Variants in PPM1E observed in about 807,000 individuals in gnomAD.
PPM1E encodes protein phosphatase, Mg2+/Mn2+ dependent 1E.
PPM1E carries 20 observed loss-of-function variants against 65.9 expected under a neutral mutation model. The observed-to-expected ratio is 0.30, with a 90% confidence interval of 0.21 to 0.44. The LOEUF is 0.44. Among genes scored for constraint, PPM1E ranks in the 20% least tolerant of loss-of-function variants. The probability of loss-of-function intolerance (pLI) is 1.00; values close to 1 mark genes in which losing one functional copy is unlikely to be tolerated. For missense variants in PPM1E, 713 were observed against 953.1 expected, an observed-to-expected ratio of 0.75 and a Z score of 3.32; for synonymous variants, 352 against 374.9, an observed-to-expected ratio of 0.94 and a Z score of 0.70.
chr17:58,766,106 C>CT (rs2045696645), intron 1 of PPM1E, among the ~76,000 whole-genome samples: 1 of 151,330 alleles, frequency 6.6e-6, no homozygotes, highest in African/African-American at 2.4e-5. Context: ...TCTGGAACTC[C>CT]TGACCTCAGG....
intron 1 of PPM1E, among the ~76,000 whole-genome samples, chr17:58,953,991 G>A (rs1357367691): frequency 2.0e-5 from 3 of 152,128 alleles, no homozygotes; most frequent in African/African-American, 7.2e-5. Context: ...TGATCCACCC[G>A]CCTTGGCCTC....
intron 1 of PPM1E, among the ~76,000 whole-genome samples, chr17:58,927,861 C>T (rs2051843738): frequency 6.6e-6 from 1 of 151,990 alleles, no homozygotes. Flanking sequence ...GAGTTCGAGA[C>T]CAGCCTGGCC....
At chr17:58,883,630 C>T (rs904250042) in intron 1 of PPM1E, among the ~76,000 whole-genome samples, 3 of 150,860 alleles carry the variant, frequency 2.0e-5, no homozygotes, top group African/African-American at 7.3e-5. Flanking sequence ...ACTACAGGCG[C>T]CCGCCACCAC....
intron 1 of PPM1E, among the ~76,000 whole-genome samples, chr17:58,844,619 GGCTTTTGAA>G (rs2050753639): frequency 6.6e-6 from 1 of 152,110 alleles, no homozygotes; most frequent in Admixed American, 6.6e-5. Context: ...CCCCACATGG[GGCTTTTGAA>G]GGTTGTCACT....
At position 58,867,007 on chromosome 17, in the gene PPM1E, G is replaced by A. The variant is rs139032553; in HGVS notation, c.465-88642G>A. On this transcript the variant is annotated intron_variant, in intron 1 of 6. Coordinates refer to ENST00000308249, the MANE Select transcript of PPM1E (RefSeq NM_014906.5). ...TTTATTTTTTCTTTTTTGAGATGGA[G>A]TCTCATTCTGTCACCCAGGCTGGAG... Among the ~76,000 whole-genome samples, 696 of 152,270 alleles carry A rather than the reference G, an allele frequency of 4.6e-3. 13 individuals carry two copies. The highest frequency in any genetic ancestry group is 0.016 in the African/African-American group (657 of 41,546).
At chr17:58,868,569 T>A (rs554966550) in intron 1 of PPM1E, among the ~76,000 whole-genome samples, 1 of 39,390 alleles carries the variant, frequency 2.5e-5, no homozygotes, top group Admixed American at 2.9e-4. Context: ...ATGTCCAGGC[T>A]TTTTTTTTTT....
intron 1 of PPM1E, among the ~76,000 whole-genome samples, chr17:58,914,353 A>G (rs1303125910): frequency 6.6e-6 from 1 of 152,198 alleles, no homozygotes; most frequent in Admixed American, 6.5e-5. Context: ...AATCCAGGAT[A>G]CTACATTGCA....
intron 2 of PPM1E, among the ~76,000 whole-genome samples, chr17:58,962,174 C>T (rs1017412377): frequency 4.6e-5 from 7 of 151,942 alleles, no homozygotes; most frequent in African/African-American, 1.7e-4. Flanking sequence ...ATCCCAGCTA[C>T]TCGGGAGGCT....
chr17:58,962,341 C>A (rs1425144138), intron 2 of PPM1E, among the ~76,000 whole-genome samples: 6 of 150,680 alleles, frequency 4.0e-5, no homozygotes, highest in Non-Finnish European at 8.8e-5. Flanking sequence ...CTGTACTTGA[C>A]AATGCAGATC....
chr17:58,756,201 G>C lies in PPM1E; in HGVS notation c.204G>C (p.Glu68Asp), dbSNP rs758871056. 10 of 1,559,726 alleles carry C rather than the reference G, an allele frequency of 6.4e-6. No individual in the cohort carries two copies. In the South Asian group the frequency reaches 1.2e-4, roughly 18 times the overall value. The change falls in exon 1 of 7, where the codon GAG becomes GAC. Residue 68 changes from glutamate (E) to aspartate (D), a missense_variant. Physicochemically the swap from Glu to Asp is conservative, Grantham distance 45. This residue lies in a region of PPM1E where 212 missense variants were observed against 204.0 expected (regional missense o/e 1.04). Coordinates refer to ENST00000308249, the MANE Select transcript of PPM1E (RefSeq NM_014906.5). ...AAEASVEEPGEEAATVAATEE... is the reference protein window; with the variant it reads ...AAEASVEEPGDEAATVAATEE... ...AGGCTTCGGTAGAGGAACCCGGGGA[G>C]GAGGCGGCCACGGTAGCCGCGACGG...
At chr17:58,864,793 G>A (rs959104607) in intron 1 of PPM1E, among the ~76,000 whole-genome samples, 4 of 151,550 alleles carry the variant, frequency 2.6e-5, no homozygotes, top group African/African-American at 9.7e-5. Context: ...AAAATTAGCC[G>A]GGTGTGGTGG....
intron 1 of PPM1E, among the ~76,000 whole-genome samples, chr17:58,891,757 T>C (rs774337114): frequency 2.6e-4 from 39 of 152,068 alleles, no homozygotes; most frequent in Admixed American, 4.6e-4. Flanking sequence ...TGGATGAAGC[T>C]GCTCTATTTG....
chr17:58,890,791 T>C (rs143844638), intron 1 of PPM1E, among the ~76,000 whole-genome samples: 6 of 152,260 alleles, frequency 3.9e-5, no homozygotes, highest in African/African-American at 7.2e-5. Flanking sequence ...TAAATACTCA[T>C]TGAGTATGAT....
Position 58,756,422 on chromosome 17 carries a change from G to A in PPM1E, c.425G>A (p.Gly142Asp). The change falls in exon 1 of 7, where the codon GGC (glycine) becomes GAC (aspartate). Residue 142 changes from glycine (G) to aspartate (D), a missense_variant. This residue lies in a region of PPM1E where 84 missense variants were observed against 113.9 expected (regional missense o/e 0.74). Transcript: ENST00000308249. The part of the protein sequence containing the change: ...SERITREEVE[G>D]ESLDLCLQQL... ...CGCATCACCCGCGAGGAGGTGGAGG[G>A]CGAAAGCCTGGACCTGTGCCTGCAG... 1 of 1,354,904 alleles carries A rather than the reference G, an allele frequency of 7.4e-7. No homozygotes were observed. Among genetic ancestry groups the A allele is most frequent in the Non-Finnish European group, 9.5e-7 (1 of 1,056,776 alleles). The allele number at this position is 1,354,904 out of a possible 1,614,324, so 83.9% of individuals were successfully genotyped here.
chr17:58,877,291 TCCCTAAAAGAGA>T (rs2143372176), intron 1 of PPM1E, among the ~76,000 whole-genome samples: 1 of 152,282 alleles, frequency 6.6e-6, no homozygotes, highest in South Asian at 2.1e-4. Context: ...AGGATAAGGT[TCCCTAAAAGAGA>T]GCAAAAAGGA....
At chr17:58,806,148 C>T (rs114865452) in intron 1 of PPM1E, among the ~76,000 whole-genome samples, 3 of 151,668 alleles carry the variant, frequency 2.0e-5, no homozygotes, top group African/African-American at 7.3e-5. Flanking sequence ...CTCAGTTTTA[C>T]AAATAAGCAA....
chr17:58,906,866 T>A (rs576442233), intron 1 of PPM1E, among the ~76,000 whole-genome samples: 1 of 152,346 alleles, frequency 6.6e-6, no homozygotes, highest in South Asian at 2.1e-4. Flanking sequence ...TTTAATAAGC[T>A]GTGCTTTCAT....
At chr17:58,764,289 T>TACA (rs1274890380) in intron 1 of PPM1E, among the ~76,000 whole-genome samples, 2 of 152,186 alleles carry the variant, frequency 1.3e-5, no homozygotes, top group South Asian at 4.1e-4. Flanking sequence ...AAACCACAAC[T>TACA]ACAACAACAA....
Position 58,979,596 on chromosome 17 carries a change from G to T in PPM1E, c.1211-378G>T, listed in dbSNP as rs1174034456. On this transcript the variant is annotated intron_variant, in intron 6 of 6. Transcript: ENST00000308249. ...AATTAAATCAAAACCACCTGCAAAA[G>T]AACAGATCTACTGAATCAACCATGT... 2.5e-4 allele frequency among the ~76,000 whole-genome samples: 38 copies of T among 152,164 alleles called. 1 individual carries two copies.
Sources: allele counts gnomAD v4.1 joint callset (sites outside exome capture counted in the v4.1 genomes callset), GRCh38; gene constraint gnomAD v4.1.1; regional missense constraint gnomAD v4.1.1; transcripts MANE v1.5; gene names NCBI Gene and HGNC (gene_info 2026-07-23, HGNC 2026-07-21).